PRH1: variants seen among roughly 807,000 people sequenced by gnomAD.
The protein encoded by PRH1 is salivary acidic proline-rich phosphoprotein 1/2.
PRH1 carries 7 observed loss-of-function variants against 7.9 expected under a neutral mutation model. The ratio of observed to expected loss-of-function variants is 0.89; its 90% confidence interval spans 0.50 to 1.67. The LOEUF is 1.67. Ranked by LOEUF, PRH1 falls within the 40% of genes most tolerant of loss-of-function variation. The pLI is 0.00. For synonymous variants in PRH1, 45 were observed against 80.8 expected (o/e 0.56, Z 2.38); for missense variants, 109 against 223.6 (o/e 0.49, Z 3.27).
At chr12:11,156,143 T>A (rs776458655) in intron 1 of PRH1, among the ~76,000 whole-genome samples, 2 of 152,234 alleles carry the variant, frequency 1.3e-5, no homozygotes, top group Non-Finnish European at 2.9e-5. Context: ...TTTGAATTTC[T>A]GTTTATGAAA....
chr12:11,060,650 T>C (rs550683079), intron 1 of PRH1, among the ~76,000 whole-genome samples: 4 of 152,242 alleles, frequency 2.6e-5, no homozygotes, highest in African/African-American at 9.6e-5. Flanking sequence ...ATAGAAGAGA[T>C]TGTTTTCTAA....
upstream of PRH1, chr12:11,171,588 C>T (rs1478966586): frequency 6.3e-5 from 77 of 1,228,246 alleles, no homozygotes; most frequent in Non-Finnish European, 7.1e-5. Context: ...TAACGGCCTC[C>T]GGGGCCAGCA....
intron 2 of PRH1, among the ~76,000 whole-genome samples, chr12:10,933,394 C>G (rs529380587): frequency 6.6e-6 from 1 of 151,750 alleles, no homozygotes; most frequent in Admixed American, 6.6e-5. Context: ...CTGATTTATA[C>G]AAAATGCTGA....
At chr12:10,912,060 C>G (rs527911426) in intron 2 of PRH1, among the ~76,000 whole-genome samples, 179 of 152,134 alleles carry the variant, frequency 1.2e-3, no homozygotes, top group Middle Eastern at 3.2e-3. Context: ...TTGAATTTAA[C>G]TATTTTTGAT....
intron 2 of PRH1, among the ~76,000 whole-genome samples, chr12:10,960,712 G>A (rs1403284122): frequency 6.6e-6 from 1 of 152,164 alleles, no homozygotes; most frequent in Non-Finnish European, 1.5e-5. Context: ...GAAGTGGCAA[G>A]TTCCTTAAAT....
chr12:10,907,513 A>ATGTG (rs10566346), intron 2 of PRH1, among the ~76,000 whole-genome samples: 3 of 150,412 alleles, frequency 2.0e-5, no homozygotes, highest in Non-Finnish European at 1.5e-5. Context: ...CTATAACTGT[A>ATGTG]TGTGTGTGTG....
intron 1 of PRH1, among the ~76,000 whole-genome samples, chr12:11,071,576 G>A (rs1944071231): frequency 6.6e-6 from 1 of 152,190 alleles, no homozygotes; most frequent in Non-Finnish European, 1.5e-5. Context: ...TCACAGGCAG[G>A]ATTGCTCTCC....
At chr12:10,893,327 C>A (rs1949601813) in intron 2 of PRH1, among the ~76,000 whole-genome samples, 1 of 152,232 alleles carries the variant, frequency 6.6e-6, no homozygotes, top group South Asian at 2.1e-4. Flanking sequence ...CCATAGCACA[C>A]TTACATTATG....
intron 1 of PRH1, chr12:11,134,229 G>C (rs1473065125): frequency 1.2e-6 from 2 of 1,612,690 alleles, no homozygotes; most frequent in Non-Finnish European, 1.7e-6. Context: ...AAAATGATGG[G>C]CAGAAAAGTT....
At chr12:11,068,006 T>C (rs1477307878) in intron 1 of PRH1, among the ~76,000 whole-genome samples, 2 of 150,340 alleles carry the variant, frequency 1.3e-5, no homozygotes, top group East Asian at 1.9e-4. Context: ...TAGGAATGTA[T>C]TTTATGTTTC....
chr12:11,059,547 AG>A (rs1943501537), intron 1 of PRH1, among the ~76,000 whole-genome samples: 1 of 151,118 alleles, frequency 6.6e-6, no homozygotes, highest in Admixed American at 6.6e-5. Flanking sequence ...AATTCACAAT[AG>A]AAAAAAATAC....
At chr12:11,075,939 C>G (rs1437711985) in intron 1 of PRH1, among the ~76,000 whole-genome samples, 1 of 121,394 alleles carries the variant, frequency 8.2e-6, no homozygotes, top group Non-Finnish European at 1.9e-5. Flanking sequence ...GCTTTTAGAT[C>G]CCGTGAGTCC....
At chr12:11,005,670 T>G (rs1357656542) in intron 1 of PRH1, among the ~76,000 whole-genome samples, 1 of 152,104 alleles carries the variant, frequency 6.6e-6, no homozygotes, top group African/African-American at 2.4e-5. Flanking sequence ...ATGGGAGGAA[T>G]TATTGTGCTG....
intron 1 of PRH1, among the ~76,000 whole-genome samples, chr12:11,026,953 G>A (rs1258562178): frequency 2.6e-5 from 4 of 152,142 alleles, no homozygotes; most frequent in Non-Finnish European, 4.4e-5. Context: ...TTAAAACATC[G>A]TGATTATTTA....
intron 1 of PRH1, among the ~76,000 whole-genome samples, chr12:11,058,306 T>C (rs1376255658): frequency 6.6e-6 from 1 of 152,130 alleles, no homozygotes; most frequent in Non-Finnish European, 1.5e-5. Context: ...TAAAATACTA[T>C]AACATTGAAT....
At chr12:11,072,311 G>T (rs191657224) in intron 1 of PRH1, among the ~76,000 whole-genome samples, 29 of 152,056 alleles carry the variant, frequency 1.9e-4, no homozygotes, top group African/African-American at 7.0e-4. Context: ...TTGAAGGTCA[G>T]ATGCTACCTA....
intron 1 of PRH1, among the ~76,000 whole-genome samples, chr12:10,998,262 T>C (rs904143984): frequency 2.6e-5 from 4 of 152,160 alleles, no homozygotes; most frequent in Admixed American, 6.6e-5. Flanking sequence ...TTTCCATAAT[T>C]TGTGTTCAGC....
intron 2 of PRH1, among the ~76,000 whole-genome samples, chr12:10,940,108 G>A (rs936185639): frequency 1.1e-3 from 164 of 152,300 alleles, no homozygotes; most frequent in African/African-American, 3.7e-3. Context: ...CAAAGTAGCA[G>A]AGTTTTCTAA....
intron 1 of PRH1, among the ~76,000 whole-genome samples, chr12:11,069,126 T>C (rs1343956701): frequency 0.49 from 60,061 of 123,718 alleles, 13,192 homozygotes; most frequent in Non-Finnish European, 0.57. Flanking sequence ...CCATGTTTCC[T>C]AGGTTGGTCT....
Sources: gnomAD v4.1 joint callset for allele counts (sites outside exome capture counted in the v4.1 genomes callset) on GRCh38, gnomAD v4.1.1 for gene constraint, MANE v1.5 for transcripts, NCBI Gene and HGNC (gene_info 2026-07-23, HGNC 2026-07-21) for gene names.